SPACA7: variants seen among roughly 807,000 people sequenced by gnomAD.
SPACA7 encodes sperm acrosome-associated protein 7.
A neutral mutation model predicts 26.3 loss-of-function variants in SPACA7; 19 were observed. The ratio of observed to expected loss-of-function variants is 0.72; its 90% CI spans 0.50 to 1.06. SPACA7 has a LOEUF of 1.06. Among genes scored for constraint, SPACA7 ranks in the 50% least tolerant of loss-of-function variants. The probability of loss-of-function intolerance (pLI) is 0.00; values close to 1 mark genes in which losing one functional copy is unlikely to be tolerated. For missense variants in SPACA7, 211 were observed against 229.9 expected (o/e 0.92, Z 0.53); for synonymous variants, 84 against 84.5 (o/e 0.99, Z 0.04).
At chr13:112,422,823 A>AAATCTG (rs1318398656) in intron 5 of SPACA7, among the ~76,000 whole-genome samples, 1 of 152,238 alleles carries the variant, frequency 6.6e-6, no homozygotes, top group Non-Finnish European at 1.5e-5. Context: ...AGGCAGAAGC[A>AAATCTG]AATCTGACTG....
chr13:112,396,067 C>CT lies in SPACA7; in HGVS notation c.152-1982_152-1981insT, dbSNP rs1413319854. Among the ~76,000 whole-genome samples the CT allele has an allele frequency of 1.8e-4, 23 of 130,796 alleles. 5 individuals are homozygous for CT. Among genetic ancestry groups the CT allele is most frequent in the Non-Finnish European group, 2.5e-4 (14 of 55,864 alleles). 85.8% of individuals were successfully genotyped at this position (130,796 alleles called of 152,430 possible). A position where few individuals can be genotyped will look rare whatever the true frequency, so the allele number is the denominator to read the frequency against. The stretch of plus-strand genomic sequence containing the variant: ...GCCATGACTGCTCTCCGAGCAGGAA[C>CT]GCGCCTCCTCACAGCTGGGCCACCA... On this transcript the variant is annotated intron_variant, in intron 2 of 6. Coordinates refer to ENST00000283550, the MANE Select transcript of SPACA7 (RefSeq NM_145248.5).
At chr13:112,397,509 G>A (rs1040765296) in intron 2 of SPACA7, among the ~76,000 whole-genome samples, 3 of 152,238 alleles carry the variant, frequency 2.0e-5, no homozygotes, top group African/African-American at 2.4e-5. Context: ...GCTCAGAGCC[G>A]TGAGGACGCT....
At chr13:112,387,413 C>T (rs569473340) in intron 1 of SPACA7, among the ~76,000 whole-genome samples, 1 of 152,256 alleles carries the variant, frequency 6.6e-6, no homozygotes, top group Non-Finnish European at 1.5e-5. Flanking sequence ...CCTAAACCCA[C>T]ATTCTATCCT....
chr13:112,397,946 C>T (rs1885385996), intron 2 of SPACA7, 103 bp from the exon 3 acceptor site: 6 of 626,750 alleles, frequency 9.6e-6, no homozygotes, highest in African/African-American at 1.8e-5. Flanking sequence ...TGTACAGGAA[C>T]TGTGTGTACA....
chr13:112,426,159 C>T (rs182045250), intron 5 of SPACA7, among the ~76,000 whole-genome samples: 1 of 152,204 alleles, frequency 6.6e-6, no homozygotes, highest in Non-Finnish European at 1.5e-5. Flanking sequence ...ATTGTTCCAA[C>T]ATCATTTGCT....
chr13:112,399,370 G>C (rs571998699), intron 4 of SPACA7, among the ~76,000 whole-genome samples, 197 bp downstream of exon 4: 8 of 152,264 alleles, frequency 5.3e-5, no homozygotes, highest in Non-Finnish European at 1.2e-4. Context: ...ACCCCCTGCT[G>C]TGGGGCCGAC....
Position 112,399,085 on chromosome 13 carries a change from T to C in SPACA7, c.261T>C (p.Asn87=). ...STPLHAGIDE[N]YQAGGSENYH... ...TTGAAGATGCTGGTATTGATGAGAA[T>C]TATCAAGCTGGTGGTTCTGAGAATT... The change falls in exon 4 of 7, where the codon AAT becomes AAC. Residue 87 remains asparagine, a synonymous_variant. Transcript: ENST00000283550. The C allele has an allele frequency of 6.2e-7, 1 of 1,608,312 alleles. No individual in the cohort carries two copies. Among genetic ancestry groups the C allele is most frequent in the Non-Finnish European group, 8.5e-7 (1 of 1,175,394 alleles).
intron 5 of SPACA7, among the ~76,000 whole-genome samples, chr13:112,406,427 TTC>T (rs1174949425): frequency 8.5e-5 from 13 of 152,352 alleles, no homozygotes; most frequent in Admixed American, 1.3e-4. Flanking sequence ...TGTCAGAATT[TTC>T]TCTCTTTTTA....
intron 5 of SPACA7, among the ~76,000 whole-genome samples, chr13:112,415,389 G>A (rs905408316): frequency 2.6e-5 from 4 of 152,240 alleles, no homozygotes; most frequent in Admixed American, 1.3e-4. Flanking sequence ...TAGTCAGCCA[G>A]TGGTGAAGCC....
chr13:112,413,368 G>GTTT (rs34886428), intron 5 of SPACA7, among the ~76,000 whole-genome samples: 1 of 147,912 alleles, frequency 6.8e-6, no homozygotes, highest in Non-Finnish European at 1.5e-5. Flanking sequence ...TGGAAGAGTT[G>GTTT]TTTTTTTTTT....
rs140543107 is a variant in SPACA7, at chr13:112,398,526, C to T, written c.241+388C>T. On this transcript the variant is annotated intron_variant, in intron 3 of 6. Transcript: ENST00000283550. ...CGCTCACCCAAGGCTTCTGAGAGAG[C>T]AGGGCAGTTATCATCACCCCATTTG... Among the ~76,000 whole-genome samples, 426 of 152,252 alleles carry T rather than the reference C, an allele frequency of 2.8e-3. 1 individual carries two copies. The highest frequency in any genetic ancestry group is 4.9e-3 in the Non-Finnish European group (335 of 68,008).
chr13:112,432,528 T>C lies in SPACA7; in HGVS notation c.523+7T>C. On this transcript the variant is annotated splice_region_variant and intron_variant, in intron 6 of 6. Transcript: ENST00000283550. ...AATATTGGAAGATCTTCAGGTAGAT[T>C]GGAAATAATAGATAAGTGTCTTCTC... is the stretch of plus-strand genomic sequence containing the variant. The C allele has an allele frequency of 6.3e-7, 1 of 1,579,038 alleles. No homozygotes were observed. Among genetic ancestry groups the C allele is most frequent in the Non-Finnish European group, 8.7e-7 (1 of 1,148,028 alleles).
chr13:112,394,666 G>T (rs534066368), intron 2 of SPACA7, among the ~76,000 whole-genome samples: 2 of 152,200 alleles, frequency 1.3e-5, no homozygotes, highest in Admixed American at 1.3e-4. Flanking sequence ...CAAGGGAACT[G>T]CCCCAGGCAG....
At chr13:112,402,386 G>T (rs1345867621) in intron 5 of SPACA7, among the ~76,000 whole-genome samples, 1 of 142,928 alleles carries the variant, frequency 7.0e-6, no homozygotes, top group Admixed American at 6.9e-5. Flanking sequence ...ATTTTATCCT[G>T]CTATCTTACT....
At chr13:112,376,820 C>T (rs1883728735) in intron 1 of SPACA7, among the ~76,000 whole-genome samples, 1 of 152,196 alleles carries the variant, frequency 6.6e-6, no homozygotes, top group Admixed American at 6.5e-5. Flanking sequence ...ACACCACATA[C>T]ACACACTTTT....
Position 112,382,556 on chromosome 13 carries a change from C to A in SPACA7, c.94+6077C>A, listed in dbSNP as rs1464137833. ...CAACTATCTGGGCGACACATGCAGG[C>A]CTGGCTGGGCTTCCAAGGCTTGTGT... On this transcript the variant is annotated intron_variant, in intron 1 of 6. Transcript: ENST00000283550. The A allele has an allele frequency of 1.2e-5, 19 of 1,538,036 alleles. No homozygotes were observed. In the East Asian group the frequency reaches 4.2e-4, roughly 34 times the overall value.
chr13:112,391,963 G>A (rs549701088), intron 1 of SPACA7, among the ~76,000 whole-genome samples: 2 of 152,258 alleles, frequency 1.3e-5, no homozygotes, highest in East Asian at 1.9e-4. Context: ...CAGACGAGTC[G>A]ATTGGTATGC....
At chr13:112,426,763 C>T (rs1358670842) in intron 5 of SPACA7, among the ~76,000 whole-genome samples, 1 of 152,160 alleles carries the variant, frequency 6.6e-6, no homozygotes, top group Non-Finnish European at 1.5e-5. Context: ...TTACTAAACT[C>T]ACTCTTTAGT....
intron 1 of SPACA7, among the ~76,000 whole-genome samples, chr13:112,379,047 A>G (rs1403789097): frequency 6.6e-6 from 1 of 152,254 alleles, no homozygotes; most frequent in Non-Finnish European, 1.5e-5. Flanking sequence ...AGAAACCGGA[A>G]GCAGAGAGTT....
Sources: allele counts gnomAD v4.1 joint callset (sites outside exome capture counted in the v4.1 genomes callset), GRCh38; gene constraint gnomAD v4.1.1; transcripts MANE v1.5; gene names NCBI Gene and HGNC (gene_info 2026-07-23, HGNC 2026-07-21).